Variants in ERC2 observed in about 807,000 individuals in gnomAD.
ERC2 encodes the protein ERC protein 2.
A neutral mutation model predicts 114.8 loss-of-function variants in ERC2; 42 were observed. That is an observed-to-expected ratio of 0.37 (90% CI 0.29 to 0.47). The LOEUF (loss-of-function observed/expected upper bound fraction) is 0.47, where lower values mean the gene tolerates loss of function less well. ERC2 is among the 20% of genes least tolerant of loss of function. The pLI, the probability that ERC2 is intolerant of heterozygous loss-of-function variation, is 0.99. For missense variants in ERC2, 939 were observed against 1,150.7 expected (o/e 0.82, Z 2.66); for synonymous variants, 454 against 425.5 (o/e 1.07, Z -0.82).
At chr3:55,936,115 G>A (rs971340929) in intron 13 of ERC2, among the ~76,000 whole-genome samples, 3 of 152,044 alleles carry the variant, frequency 2.0e-5, no homozygotes, top group Admixed American at 6.6e-5. Context: ...TGAGTCTCAG[G>A]CAGAACACAC....
chr3:56,436,205 T>C (rs1366640191), intron 1 of ERC2, among the ~76,000 whole-genome samples: 2 of 152,210 alleles, frequency 1.3e-5, no homozygotes, highest in African/African-American at 4.8e-5. Flanking sequence ...CAGGTTCAAA[T>C]GTCCATGCTA....
intron 14 of ERC2, among the ~76,000 whole-genome samples, chr3:55,766,958 A>C (rs1004416435): frequency 6.6e-6 from 1 of 152,170 alleles, no homozygotes; most frequent in Non-Finnish European, 1.5e-5. Context: ...TCTTCCTGCC[A>C]CCTGTGTTTC....
At chr3:55,536,095 A>G (rs1452869168) in intron 17 of ERC2, among the ~76,000 whole-genome samples, 1 of 152,182 alleles carries the variant, frequency 6.6e-6, no homozygotes, top group Admixed American at 6.5e-5. Context: ...ACTTTCTAAA[A>G]CATACAAATT....
Position 55,583,441 on chromosome 3 carries a change from TCCTC to T in ERC2, c.*40-72169_*40-72166del, listed in dbSNP as rs1366995566. Among the ~76,000 whole-genome samples, 76 of 81,516 alleles carry T rather than the reference TCCTC, an allele frequency of 9.3e-4. 2 individuals are homozygous for T. The highest frequency in any genetic ancestry group is 3.1e-3 in the African/African-American group (63 of 20,020). 53.5% of individuals were successfully genotyped at this position (81,516 alleles called of 152,430 possible). A position where few individuals can be genotyped will look rare whatever the true frequency, so the allele number is the denominator to read the frequency against. The stretch of plus-strand genomic sequence containing the variant: ...TTCCTTCCTTCCTTCCTTCCTTCCT[TCCTC>T]CCTCCCTCCTTCCCCTCTCTCCCTT... On this transcript the variant is annotated intron_variant, in intron 17 of 17. Coordinates refer to ENST00000288221, the MANE Select transcript of ERC2 (RefSeq NM_015576.3).
intron 15 of ERC2, among the ~76,000 whole-genome samples, chr3:55,733,800 C>T (rs1049792933): frequency 4.6e-5 from 7 of 152,166 alleles, no homozygotes; most frequent in Non-Finnish European, 8.8e-5. Flanking sequence ...GCCCCAGGGG[C>T]TGAGTCAATA....
chr3:56,206,176 GAA>G (rs1332245508), intron 3 of ERC2, among the ~76,000 whole-genome samples: 21 of 61,522 alleles, frequency 3.4e-4, no homozygotes, highest in Middle Eastern at 8.3e-3. Flanking sequence ...CACACAGCCA[GAA>G]AAACACACAC....
intron 6 of ERC2, among the ~76,000 whole-genome samples, chr3:56,083,139 C>T (rs115773369): frequency 0.011 from 1,610 of 152,266 alleles, 25 homozygotes; most frequent in African/African-American, 0.035. Context: ...ATGGATCACA[C>T]AGGAAACAAC....
At chr3:56,338,340 C>T (rs1441713633) in intron 2 of ERC2, among the ~76,000 whole-genome samples, 1 of 152,230 alleles carries the variant, frequency 6.6e-6, no homozygotes, top group East Asian at 1.9e-4. Context: ...CTCCTGCCTG[C>T]CTCATCTAAT....
intron 4 of ERC2, among the ~76,000 whole-genome samples, chr3:56,158,640 A>T (rs1183445621): frequency 6.6e-6 from 1 of 152,134 alleles, no homozygotes; most frequent in Admixed American, 6.5e-5. Flanking sequence ...GGGAAAGCTG[A>T]AGCATAGAGA....
intron 14 of ERC2, among the ~76,000 whole-genome samples, chr3:55,882,199 C>G (rs555084157): frequency 3.3e-5 from 5 of 152,288 alleles, no homozygotes; most frequent in African/African-American, 1.2e-4. Context: ...AAGAGCATGG[C>G]TCTTTCCCTC....
At chr3:55,543,482 C>G (rs185231276) in intron 17 of ERC2, among the ~76,000 whole-genome samples, 7 of 152,206 alleles carry the variant, frequency 4.6e-5, no homozygotes, top group Admixed American at 3.9e-4. Context: ...GGCTCCAGTG[C>G]GGTCACAAAC....
chr3:56,139,752 C>A, intron 5 of ERC2, 76 bp from the exon 6 acceptor site: 1 of 1,440,690 alleles, frequency 6.9e-7, no homozygotes, highest in Non-Finnish European at 9.4e-7. Flanking sequence ...CTACTGATTT[C>A]TCTCCATTTC....
rs181870673 is a variant in ERC2 at position 55,800,209 on chromosome 3, C to T, written c.2565-65291G>A. Among the ~76,000 whole-genome samples, 762 of 152,072 alleles carry T rather than the reference C, an allele frequency of 5.0e-3. 6 individuals are homozygous for T. Among genetic ancestry groups the T allele is most frequent in the African/African-American group, 0.017 (716 of 41,464 alleles). ...AGGCTGGAGTGCAATGGCGTGATGT[C>T]GGCTCACTGCAACCTCCGCCTCCTG... On this transcript the variant is annotated intron_variant, in intron 14 of 17. Transcript: ENST00000288221.
intron 2 of ERC2, among the ~76,000 whole-genome samples, chr3:56,320,957 G>A (rs763072268): frequency 3.9e-5 from 6 of 152,076 alleles, no homozygotes; most frequent in Non-Finnish European, 7.4e-5. Flanking sequence ...CAATGACTCC[G>A]GCCAAGTAGA....
At chr3:55,710,052 T>A (rs1342526059) in intron 15 of ERC2, among the ~76,000 whole-genome samples, 1 of 152,102 alleles carries the variant, frequency 6.6e-6, no homozygotes, top group Non-Finnish European at 1.5e-5. Context: ...CTCTGCCACA[T>A]CTCCTCAGGT....
intron 6 of ERC2, among the ~76,000 whole-genome samples, chr3:56,137,354 GAAT>G (rs1482580527): frequency 6.6e-6 from 1 of 152,140 alleles, no homozygotes; most frequent in Non-Finnish European, 1.5e-5. Flanking sequence ...GTTGCTTTTT[GAAT>G]AATACAGTGA....
At chr3:55,981,960 C>T (rs746414832) in intron 12 of ERC2, among the ~76,000 whole-genome samples, 3 of 152,156 alleles carry the variant, frequency 2.0e-5, no homozygotes, top group Non-Finnish European at 4.4e-5. Flanking sequence ...CTGTACAGAG[C>T]CCACACAGTC....
chr3:55,551,777 C>T (rs374591796), intron 17 of ERC2, among the ~76,000 whole-genome samples: 7 of 152,206 alleles, frequency 4.6e-5, no homozygotes, highest in Middle Eastern at 3.4e-3. Context: ...ATGCTAAACT[C>T]GTCCAAAAAA....
intron 4 of ERC2, among the ~76,000 whole-genome samples, chr3:56,153,182 G>C (rs971955440): frequency 6.6e-6 from 1 of 152,012 alleles, no homozygotes; most frequent in Admixed American, 6.6e-5. Flanking sequence ...CAAATACATA[G>C]GGCACCTATT....
Sources: gnomAD v4.1 joint callset for allele counts (sites outside exome capture counted in the v4.1 genomes callset) on GRCh38, gnomAD v4.1.1 for gene constraint, MANE v1.5 for transcripts, NCBI Gene and HGNC (gene_info 2026-07-23, HGNC 2026-07-21) for gene names.